HEATR5B: variants seen among roughly 807,000 people sequenced by gnomAD.
HEATR5B encodes HEAT repeat containing 5B.
HEATR5B carries 156 observed loss-of-function variants against 224.1 expected under a neutral mutation model. The observed-to-expected ratio is 0.70, with a 90% CI of 0.61 to 0.80. HEATR5B has a LOEUF of 0.80. Ranked by LOEUF, HEATR5B falls within the 30% of genes least tolerant of loss-of-function variation. HEATR5B has a pLI of 0.00. For synonymous variants in HEATR5B, 1,027 were observed against 893.0 expected, an observed-to-expected ratio of 1.15 and a Z score of -2.68; for missense variants, 2,323 against 2,535.5, an observed-to-expected ratio of 0.92 and a Z score of 1.80.
chr2:37,028,550 G>A (rs1401766711), intron 23 of HEATR5B, 131 bp downstream of exon 23: 17 of 648,954 alleles, frequency 2.6e-5, no homozygotes, highest in Non-Finnish European at 3.9e-5. Context: ...ACAGAGATTT[G>A]TAGATCAAAA....
Position 37,059,455 on chromosome 2 carries a change from TATA to T in HEATR5B, c.1850-471_1850-469del, listed in dbSNP as rs1158301224. Among the ~76,000 whole-genome samples, 132 of 107,834 alleles carry T rather than the reference TATA, an allele frequency of 1.2e-3. 1 individual carries two copies. Among genetic ancestry groups the T allele is most frequent in the South Asian group, 4.6e-3 (13 of 2,808 alleles). The allele number at this position is 107,834 out of a possible 152,430, so 70.7% of individuals were successfully genotyped here. A position where few individuals can be genotyped will look rare whatever the true frequency, so the allele number is the denominator to read the frequency against. On this transcript the variant is annotated intron_variant, in intron 12 of 35. Coordinates refer to ENST00000233099, the MANE Select transcript of HEATR5B (RefSeq NM_019024.3). ...GTGTGTGTGTGTGTGTGTATATATA[TATA>T]TATATATTTTTTTTTTTTTTTTTTT...
intron 19 of HEATR5B, 67 bp from the exon 20 acceptor site, chr2:37,040,585 G>C: frequency 9.5e-6 from 11 of 1,162,060 alleles, no homozygotes; most frequent in Admixed American, 2.4e-5. Flanking sequence ...TGAGTATACT[G>C]AATTGTTACA....
At chr2:36,993,779 C>T (rs946035394) in intron 33 of HEATR5B, among the ~76,000 whole-genome samples, 6 of 151,846 alleles carry the variant, frequency 4.0e-5, no homozygotes, top group Admixed American at 3.9e-4. Context: ...TATAACATTA[C>T]TTATGCAGTA....
intron 34 of HEATR5B, among the ~76,000 whole-genome samples, chr2:36,990,055 C>T (rs1487428217): frequency 4.6e-5 from 7 of 152,022 alleles, no homozygotes; most frequent in Admixed American, 6.6e-5. Flanking sequence ...GCGCATGCCA[C>T]CACACCTGGC....
chr2:37,042,231 T>A (rs1217614450), intron 18 of HEATR5B, among the ~76,000 whole-genome samples: 37 of 152,172 alleles, frequency 2.4e-4, no homozygotes, highest in Admixed American at 2.4e-3. Flanking sequence ...CACCACATAA[T>A]CATTAGAACA....
intron 26 of HEATR5B, among the ~76,000 whole-genome samples, chr2:37,016,241 T>C (rs1668110820): frequency 6.6e-6 from 1 of 151,824 alleles, no homozygotes; most frequent in Admixed American, 6.6e-5. Flanking sequence ...GCCTCACAAG[T>C]AGCTGGGACT....
Position 37,008,722 on chromosome 2 carries a change from T to C in HEATR5B, c.4411A>G (p.Thr1471Ala), listed in dbSNP as rs780153289. ...IDELPPDSLI[T>A]LVQPELPTLS... is the part of the protein sequence containing the mutation. ...GTTGGTAGTTCAGGTTGTACCAGTG[T>C]TATTAAACTATCTGGTGGCAGTTCA... The change falls in exon 28 of 36, where the codon ACA becomes GCA. Residue 1471 changes from threonine (T) to alanine (A), a missense_variant. This residue lies in a region of HEATR5B where 844 missense variants were observed against 812.9 expected (regional missense o/e 1.04). Coordinates refer to ENST00000233099, the MANE Select transcript of HEATR5B (RefSeq NM_019024.3). 4.3e-6 allele frequency: 7 copies of C among 1,613,772 alleles called. No homozygotes were observed. The highest frequency in any genetic ancestry group is 5.9e-6 in the Non-Finnish European group (7 of 1,179,690).
At chr2:37,026,944 A>G (rs924539638) in intron 24 of HEATR5B, among the ~76,000 whole-genome samples, 1 of 152,124 alleles carries the variant, frequency 6.6e-6, no homozygotes, top group African/African-American at 2.4e-5. Flanking sequence ...GACTACAGGC[A>G]TGTGCCAGGA....
chr2:37,040,941 G>C (rs1669834495), intron 19 of HEATR5B, 192 bp downstream of exon 19: 7 of 531,346 alleles, frequency 1.3e-5, no homozygotes, highest in Non-Finnish European at 2.3e-5. Flanking sequence ...GTATGTGAAT[G>C]GGTAAAATTC....
intron 6 of HEATR5B, 33 bp downstream of exon 6, chr2:37,072,077 G>C: frequency 6.3e-7 from 1 of 1,575,894 alleles, no homozygotes; most frequent in African/African-American, 1.4e-5. Flanking sequence ...AATTAGGTCT[G>C]TTATGGTCTA....
Position 36,999,671 on chromosome 2 carries a change from CCT to C in HEATR5B, c.5545+913_5545+914del, listed in dbSNP as rs1666958294. ...TCCAGACTGGGCAACACAGTGAGAC[CCT>C]GTCTCAAAAAAAAAAAATTCTGGAG... On this transcript the variant is annotated intron_variant, in intron 33 of 35. Transcript: ENST00000233099. Among the ~76,000 whole-genome samples, 6 of 150,096 alleles carry C rather than the reference CCT, an allele frequency of 4.0e-5. No individual in the cohort carries two copies. The South Asian group carries it at 1.3e-3, about 32-fold the overall frequency.
intron 35 of HEATR5B, among the ~76,000 whole-genome samples, chr2:36,987,376 C>A (rs972230837): frequency 6.7e-6 from 1 of 149,776 alleles, no homozygotes; most frequent in Non-Finnish European, 1.5e-5. Context: ...TTGCGGTGAG[C>A]CAAGATCGTG....
chr2:37,068,760 G>A lies in HEATR5B; in HGVS notation c.1098C>T (p.Gly366=). Residue 366 remains glycine (G), a synonymous_variant, in exon 8 of 36, where the codon GGC becomes GGT. Transcript: ENST00000233099. The part of the protein sequence containing the change: ...CVSFILRATV[G]SLLGEKAQIA... ...TCTGGGCTTTTTCACCTAGCAAACT[G>A]CCCACAGTAGCTCTTAGGATAAAGG... is the stretch of plus-strand genomic sequence containing the variant. 6.2e-7 allele frequency: 1 copy of A among 1,614,098 alleles called. No homozygotes were observed. The highest frequency in any genetic ancestry group is 8.5e-7 in the Non-Finnish European group (1 of 1,180,016).
At chr2:37,029,186 C>G (rs892250985) in intron 22 of HEATR5B, among the ~76,000 whole-genome samples, 2 of 152,174 alleles carry the variant, frequency 1.3e-5, no homozygotes, top group South Asian at 2.1e-4. Flanking sequence ...ATACTTGATT[C>G]TAATAAGAAA....
intron 30 of HEATR5B, among the ~76,000 whole-genome samples, chr2:37,004,963 C>A (rs940814354): frequency 6.6e-6 from 1 of 152,128 alleles, no homozygotes; most frequent in Non-Finnish European, 1.5e-5. Context: ...TACGGGCTGA[C>A]AGAATGATCC....
At chr2:37,034,585 C>T (rs1246100637) in intron 21 of HEATR5B, among the ~76,000 whole-genome samples, 1 of 131,576 alleles carries the variant, frequency 7.6e-6, no homozygotes, top group African/African-American at 2.9e-5. Flanking sequence ...TGCACTCCAG[C>T]CTGGGCGACA....
Position 37,079,267 on chromosome 2 carries a change from G to A in HEATR5B, c.191C>T (p.Pro64Leu), listed in dbSNP as rs1672410977. Residue 64 changes from proline to leucine, a missense_variant, in exon 3 of 36, where the codon CCT becomes CTT. Coordinates refer to ENST00000233099, the MANE Select transcript of HEATR5B (RefSeq NM_019024.3). ...EQLTGLISSS[P>L]GPPTRKLLAK... is the part of the protein sequence containing the mutation. ...TAATAATTTTCGTGTAGGTGGTCCA[G>A]GTGAACTACTTATTAATCCAGTTAA... The A allele has an allele frequency of 6.2e-7, 1 of 1,612,816 alleles. No individual in the cohort carries two copies. The highest frequency in any genetic ancestry group is 2.2e-5 in the East Asian group (1 of 44,842).
At chr2:37,046,076 G>T (rs1670173392) in intron 18 of HEATR5B, among the ~76,000 whole-genome samples, 3 of 152,112 alleles carry the variant, frequency 2.0e-5, no homozygotes, top group Admixed American at 2.0e-4. Context: ...GATTTGAAAT[G>T]AAGCTAACAT....
chr2:36,991,089 ATG>A (rs1369764241), intron 33 of HEATR5B, among the ~76,000 whole-genome samples: 1 of 152,228 alleles, frequency 6.6e-6, no homozygotes, highest in African/African-American at 2.4e-5. Flanking sequence ...AAGAAGTTCA[ATG>A]TATAAAGTTA....
Sources: gnomAD v4.1 joint callset for allele counts (sites outside exome capture counted in the v4.1 genomes callset) on GRCh38, gnomAD v4.1.1 for gene constraint, gnomAD v4.1.1 regional missense constraint, MANE v1.5 for transcripts, NCBI Gene and HGNC (gene_info 2026-07-23, HGNC 2026-07-21) for gene names.